Variants in MAN1A1 observed in about 807,000 individuals in gnomAD.
MAN1A1 encodes mannosidase alpha class 1A member 1.
In MAN1A1, 29 loss-of-function variants were observed where a neutral mutation model predicts 70.8. That is an observed-to-expected ratio of 0.41 (90% CI 0.31 to 0.56). The LOEUF (loss-of-function observed/expected upper bound fraction) is 0.56. Among genes scored for constraint, MAN1A1 ranks in the 20% least tolerant of loss-of-function variants. The probability of loss-of-function intolerance (pLI) is 0.29; values close to 1 mark genes in which losing one functional copy is unlikely to be tolerated. For synonymous variants in MAN1A1, 349 were observed against 330.1 expected (o/e 1.06, Z -0.62); for missense variants, 747 against 841.3 (o/e 0.89, Z 1.39).
At chr6:119,188,633 C>G in intron 10 of MAN1A1, 56 bp from the exon 11 acceptor site, 2 of 1,471,366 alleles carry the variant, frequency 1.4e-6, no homozygotes, top group South Asian at 2.5e-5. Context: ...TGCTTACAGT[C>G]AATAACTTAA....
chr6:119,217,625 G>C (rs1444548930), intron 6 of MAN1A1, among the ~76,000 whole-genome samples: 4 of 152,082 alleles, frequency 2.6e-5, no homozygotes, highest in Admixed American at 2.0e-4. Flanking sequence ...TTTACATATT[G>C]AGTGTTACTC....
intron 6 of MAN1A1, among the ~76,000 whole-genome samples, chr6:119,225,335 G>A (rs1373717794): frequency 1.3e-5 from 2 of 151,990 alleles, no homozygotes; most frequent in Non-Finnish European, 2.9e-5. Context: ...TTGGGAGTTT[G>A]AGGCTGAAAT....
At chr6:119,316,862 G>A (rs1040642498) in intron 2 of MAN1A1, among the ~76,000 whole-genome samples, 2 of 151,550 alleles carry the variant, frequency 1.3e-5, no homozygotes, top group Non-Finnish European at 2.9e-5. Context: ...TTTAGTGATC[G>A]ATGAAAATGA....
intron 2 of MAN1A1, among the ~76,000 whole-genome samples, chr6:119,314,652 G>A (rs1348689935): frequency 6.6e-6 from 1 of 152,060 alleles, no homozygotes. Flanking sequence ...TGAGGCCTCT[G>A]AGCCCTCCTG....
chr6:119,336,492 T>C (rs1273959858), intron 2 of MAN1A1, among the ~76,000 whole-genome samples: 2 of 152,216 alleles, frequency 1.3e-5, no homozygotes, highest in Non-Finnish European at 2.9e-5. Context: ...AGTGATGTTT[T>C]AGGAATATTA....
intron 5 of MAN1A1, among the ~76,000 whole-genome samples, chr6:119,272,132 T>C (rs1775941649): frequency 6.6e-6 from 1 of 152,216 alleles, no homozygotes; most frequent in South Asian, 2.1e-4. Flanking sequence ...ATGAATAGTC[T>C]TATATTTGCT....
intron 2 of MAN1A1, among the ~76,000 whole-genome samples, chr6:119,307,216 T>C (rs1340511732): frequency 6.6e-6 from 1 of 152,190 alleles, no homozygotes; most frequent in African/African-American, 2.4e-5. Flanking sequence ...GAAGTTTTCG[T>C]TTTTGAGTCC....
intron 2 of MAN1A1, among the ~76,000 whole-genome samples, chr6:119,311,489 C>T (rs945537764): frequency 2.6e-5 from 4 of 152,152 alleles, no homozygotes; most frequent in African/African-American, 9.7e-5. Context: ...CACTAGCTTT[C>T]ATAAAATCTT....
At chr6:119,314,820 C>G (rs1301478877) in intron 2 of MAN1A1, among the ~76,000 whole-genome samples, 1 of 152,120 alleles carries the variant, frequency 6.6e-6, no homozygotes, top group Admixed American at 6.5e-5. Context: ...CTTCAATTCT[C>G]ACAGCCTTCC....
intron 6 of MAN1A1, among the ~76,000 whole-genome samples, chr6:119,235,540 T>C (rs1774818634): frequency 6.6e-6 from 1 of 152,126 alleles, no homozygotes; most frequent in Admixed American, 6.5e-5. Context: ...GGTTGGTTCA[T>C]GAAGGTGAAG....
chr6:119,315,382 T>A (rs962336165), intron 2 of MAN1A1, among the ~76,000 whole-genome samples: 1 of 152,244 alleles, frequency 6.6e-6, no homozygotes, highest in Non-Finnish European at 1.5e-5. Context: ...TAAAGCCAGT[T>A]TTAAAAAATG....
chr6:119,196,562 G>A (rs977371749), intron 8 of MAN1A1, among the ~76,000 whole-genome samples: 2 of 152,084 alleles, frequency 1.3e-5, no homozygotes, highest in East Asian at 1.9e-4. Flanking sequence ...CTAAAGGTGA[G>A]GTGTACTGTA....
At chr6:119,347,357 T>C (rs1773758318) in intron 2 of MAN1A1, among the ~76,000 whole-genome samples, 3 of 152,218 alleles carry the variant, frequency 2.0e-5, no homozygotes, top group Admixed American at 6.5e-5. Context: ...CTACCCAATA[T>C]GAAAATACAA....
intron 3 of MAN1A1, among the ~76,000 whole-genome samples, chr6:119,303,727 G>A (rs1884180): frequency 0.38 from 57,407 of 151,910 alleles, 11,326 homozygotes; most frequent in Non-Finnish European, 0.41. Flanking sequence ...CCCAGCTATT[G>A]TTGATATGTC....
rs759338295 is a variant in MAN1A1, at chr6:119,186,770, G to A, written c.1719+1635C>T. On this transcript the variant is annotated intron_variant, in intron 11 of 12. Transcript: ENST00000368468. ...CTGCTGCTGAAACACAGGAGGCCAC[G>A]GGGGTGGGCATAACACCAGGGGAAA... Among the ~76,000 whole-genome samples the A allele has an allele frequency of 8.5e-5, 13 of 152,266 alleles. No individual in the cohort carries two copies. In the South Asian group the frequency reaches 1.0e-3, roughly 12 times the overall value.
At chr6:119,322,935 GAAGACGTTCTCTGTTCTAAT>G (rs1462497725) in intron 2 of MAN1A1, among the ~76,000 whole-genome samples, 1 of 152,210 alleles carries the variant, frequency 6.6e-6, no homozygotes, top group East Asian at 1.9e-4. Flanking sequence ...GTGGCTGACA[GAAGACGTTCTCTGTTCTAAT>G]ACCCTGACAT....
intron 2 of MAN1A1, among the ~76,000 whole-genome samples, chr6:119,319,907 A>G (rs1772961992): frequency 6.6e-6 from 1 of 152,102 alleles, no homozygotes; most frequent in South Asian, 2.1e-4. Flanking sequence ...TGGCACATGC[A>G]GATATGCTGT....
At chr6:119,279,736 T>C (rs1022329697) in intron 5 of MAN1A1, among the ~76,000 whole-genome samples, 2 of 152,212 alleles carry the variant, frequency 1.3e-5, no homozygotes, top group Non-Finnish European at 2.9e-5. Context: ...CTTTCTCATA[T>C]TGCAAAGGAT....
At chr6:119,258,345 G>C (rs958544324) in intron 5 of MAN1A1, among the ~76,000 whole-genome samples, 1 of 152,148 alleles carries the variant, frequency 6.6e-6, no homozygotes, top group African/African-American at 2.4e-5. Context: ...ACCAGTTGCA[G>C]ATCAAAAATA....
Sources: allele counts gnomAD v4.1 joint callset (sites outside exome capture counted in the v4.1 genomes callset), GRCh38; gene constraint gnomAD v4.1.1; transcripts MANE v1.5; gene names NCBI Gene and HGNC (gene_info 2026-07-23, HGNC 2026-07-21).